Variants in SLC22A24 observed in about 807,000 individuals in gnomAD.
The protein encoded by SLC22A24 is solute carrier family 22 member 24.
In SLC22A24, 53 loss-of-function variants were observed where a neutral mutation model predicts 49.8. The observed-to-expected ratio is 1.06, with a 90% confidence interval of 0.85 to 1.34. The LOEUF (loss-of-function observed/expected upper bound fraction) is 1.34, where lower values mean the gene tolerates loss of function less well. SLC22A24 is among the 40% of genes most tolerant of loss of function. SLC22A24 has a pLI of 0.00. For synonymous variants in SLC22A24, 302 were observed against 256.4 expected (o/e 1.18, Z -1.70); for missense variants, 786 against 675.9 (o/e 1.16, Z -1.81).
chr11:63,142,933 A>AT (rs2087425793), intron 1 of SLC22A24, among the ~76,000 whole-genome samples: 1 of 152,208 alleles, frequency 6.6e-6, no homozygotes, highest in East Asian at 1.9e-4. Context: ...AAAGCAAAAA[A>AT]CAAAAACAAC....
chr11:63,119,668 T>C (rs1161101305), intron 2 of SLC22A24, among the ~76,000 whole-genome samples: 1 of 152,096 alleles, frequency 6.6e-6, no homozygotes, highest in African/African-American at 2.4e-5. Flanking sequence ...TTTAGGATAG[T>C]GGATATGTGT....
chr11:63,113,391 C>T (rs1437490178), intron 4 of SLC22A24, among the ~76,000 whole-genome samples: 1 of 151,420 alleles, frequency 6.6e-6, no homozygotes, highest in Non-Finnish European at 1.5e-5. Flanking sequence ...GTGGCTGGTA[C>T]CGTTTGTTTC....
chr11:63,142,347 A>G (rs1380013951), intron 1 of SLC22A24, among the ~76,000 whole-genome samples: 1 of 152,094 alleles, frequency 6.6e-6, no homozygotes, highest in Non-Finnish European at 1.5e-5. Flanking sequence ...AAAGGGAGGG[A>G]TTGAAACTGC....
At chr11:63,130,293 T>G (rs1201965917) in intron 2 of SLC22A24, among the ~76,000 whole-genome samples, 1 of 152,236 alleles carries the variant, frequency 6.6e-6, no homozygotes, top group Non-Finnish European at 1.5e-5. Flanking sequence ...GATTTGCATA[T>G]GTTGAACCAG....
intron 2 of SLC22A24, among the ~76,000 whole-genome samples, chr11:63,130,836 C>A (rs147723636): frequency 6.6e-6 from 1 of 151,564 alleles, no homozygotes; most frequent in Non-Finnish European, 1.5e-5. Flanking sequence ...CCTTGTTAAC[C>A]TTCTGTCTCA....
chr11:63,112,939 C>T (rs142056054), intron 4 of SLC22A24, among the ~76,000 whole-genome samples: 2,493 of 139,200 alleles, frequency 0.018, 75 homozygotes, highest in African/African-American at 0.064. Flanking sequence ...GGCGTGAACC[C>T]GGGAGCCGGA....
chr11:63,083,249 GC>G lies in SLC22A24; in HGVS notation c.1278del (p.Leu426PhefsTer12). ...AAACTCCTGTCTCTCTCACCTTGGG[GC>G]AAAAAGGTGTTGACCAGAATGAAAA... ...VGLFILVNTF[L>X]PQEMQILRVV... On this transcript the variant is annotated frameshift_variant, in exon 7 of 10. Coordinates refer to ENST00000612278, the MANE Select transcript of SLC22A24 (RefSeq NM_001136506.2). LOFTEE classifies it high-confidence loss of function. 1 of 1,553,818 alleles carries G rather than the reference GC, an allele frequency of 6.4e-7. No homozygotes were observed. The highest frequency in any genetic ancestry group is 2.4e-5 in the East Asian group (1 of 41,408).
intron 6 of SLC22A24, among the ~76,000 whole-genome samples, chr11:63,083,785 A>C (rs1419292222): frequency 3.3e-5 from 5 of 152,216 alleles, no homozygotes; most frequent in African/African-American, 1.2e-4. Flanking sequence ...AGAAAAAGTA[A>C]TGTGAAATCT....
chr11:63,131,946 AG>A (rs764004457), intron 2 of SLC22A24, among the ~76,000 whole-genome samples: 10 of 152,236 alleles, frequency 6.6e-5, no homozygotes, highest in Admixed American at 2.0e-4. Flanking sequence ...CTTTTCACTT[AG>A]TCCCATATTT....
At chr11:63,100,823 A>G (rs961306194) in intron 5 of SLC22A24, among the ~76,000 whole-genome samples, 5 of 152,162 alleles carry the variant, frequency 3.3e-5, no homozygotes, top group Non-Finnish European at 5.9e-5. Context: ...TCTTCAATAA[A>G]TGGTGCTGAG....
chr11:63,143,640 T>TGACTA lies in SLC22A24; in HGVS notation c.135_139dup (p.His47LeufsTer29). ...GTCCAGGAGGGGGACCCAGCAGCGA[T>TGACTA]GACTAGGGGTGAATGCAGTGAAGTT... On this transcript the variant is annotated frameshift_variant, in exon 1 of 10. Transcript: ENST00000612278. LOFTEE classifies it high-confidence loss of function. The TGACTA allele has an allele frequency of 6.3e-7, 1 of 1,597,462 alleles. No individual in the cohort carries two copies. Among genetic ancestry groups the TGACTA allele is most frequent in the Non-Finnish European group, 8.5e-7 (1 of 1,172,386 alleles).
At chr11:63,128,004 C>A (rs530231669) in intron 2 of SLC22A24, among the ~76,000 whole-genome samples, 35 of 140,908 alleles carry the variant, frequency 2.5e-4, no homozygotes, top group Admixed American at 8.4e-4. Context: ...GGCACCGACG[C>A]AAGAGACTGA....
intron 2 of SLC22A24, among the ~76,000 whole-genome samples, chr11:63,121,188 T>C (rs1565335450): frequency 6.6e-6 from 1 of 152,200 alleles, no homozygotes; most frequent in Non-Finnish European, 1.5e-5. Context: ...AATAAATGTA[T>C]CACACTAGTG....
chr11:63,122,767 G>T (rs983747848), intron 2 of SLC22A24, among the ~76,000 whole-genome samples: 1 of 152,050 alleles, frequency 6.6e-6, no homozygotes, highest in Non-Finnish European at 1.5e-5. Flanking sequence ...TGATCCGCTA[G>T]CCTCGGCCTC....
chr11:63,113,089 T>TATACATATATATAC (rs1369276988), intron 4 of SLC22A24, among the ~76,000 whole-genome samples: 1 of 2,658 alleles, frequency 3.8e-4, no homozygotes, highest in African/African-American at 6.0e-4. Context: ...CACATATATA[T>TATACATATATATAC]ACATATATAT....
rs748212972 is a variant in SLC22A24 at position 63,143,390 on chromosome 11, G to A, written c.390C>T (p.Thr130=). The A allele has an allele frequency of 6.8e-6, 10 of 1,464,362 alleles. No homozygotes were observed. In the Admixed American group the frequency reaches 1.5e-4, roughly 22 times the overall value. 90.7% of individuals were successfully genotyped at this position (1,464,362 alleles called of 1,614,324 possible). Residue 130 remains threonine (T), a synonymous_variant, in exon 1 of 10, where the codon ACC becomes ACT. Coordinates refer to ENST00000612278, the MANE Select transcript of SLC22A24 (RefSeq NM_001136506.2). ...TGGGGCCTCTTACCTCAGTCACGAT[G>A]GTGGAGAGGAAAGAGCTTCTGTCGT... The part of the protein sequence containing the change: ...WVYDRSSFLS[T]IVTEWDLVCE...
chr11:63,112,498 G>C (rs2087173437), intron 4 of SLC22A24, among the ~76,000 whole-genome samples: 1 of 151,988 alleles, frequency 6.6e-6, no homozygotes, highest in Non-Finnish European at 1.5e-5. Context: ...TCTCTTTGTA[G>C]GTCTTCTTTC....
intron 8 of SLC22A24, 102 bp from the exon 9 acceptor site, chr11:63,081,225 T>A: frequency 3.0e-6 from 3 of 985,260 alleles, no homozygotes; most frequent in Non-Finnish European, 4.5e-6. Flanking sequence ...ACAGAGTTAC[T>A]AAACACATGG....
chr11:63,108,146 G>T (rs2087134925), intron 4 of SLC22A24, among the ~76,000 whole-genome samples: 1 of 152,216 alleles, frequency 6.6e-6, no homozygotes, highest in South Asian at 2.1e-4. Context: ...CGCATGCAGG[G>T]CTATTGAATT....
Sources: allele counts gnomAD v4.1 joint callset (sites outside exome capture counted in the v4.1 genomes callset), GRCh38; gene constraint gnomAD v4.1.1; transcripts MANE v1.5; gene names NCBI Gene and HGNC (gene_info 2026-07-23, HGNC 2026-07-21).